The following NRXN3 variants were observed in gnomAD, a reference collection of about 807,000 sequenced individuals.
NRXN3 encodes neurexin 3.
A neutral mutation model predicts 137.6 loss-of-function variants in NRXN3; 32 were observed. That is an observed-to-expected ratio of 0.23 (90% CI 0.18 to 0.31). NRXN3 has a LOEUF of 0.31. Among genes scored for constraint, NRXN3 ranks in the 10% least tolerant of loss-of-function variants. The pLI, the probability that NRXN3 is intolerant of heterozygous loss-of-function variation, is 1.00. For synonymous variants in NRXN3, 798 were observed against 784.5 expected, an observed-to-expected ratio of 1.02 and a Z score of -0.29; for missense variants, 1,574 against 2,062.5, an observed-to-expected ratio of 0.76 and a Z score of 4.59.
At chr14:79,680,101 G>A (rs1346148412) in intron 17 of NRXN3, among the ~76,000 whole-genome samples, 1 of 152,094 alleles carries the variant, frequency 6.6e-6, no homozygotes, top group African/African-American at 2.4e-5. Context: ...ACATCCTAAG[G>A]AAATGATTTC....
intron 15 of NRXN3, among the ~76,000 whole-genome samples, chr14:79,411,244 G>A (rs1014042838): frequency 2.6e-5 from 4 of 152,026 alleles, no homozygotes; most frequent in African/African-American, 7.2e-5. Context: ...CCAAGATCTA[G>A]TTTTCTAGGT....
intron 16 of NRXN3, among the ~76,000 whole-genome samples, chr14:79,588,678 T>A (rs1410779620): frequency 7.2e-5 from 11 of 152,200 alleles, no homozygotes. Context: ...ATATTGACCA[T>A]GGCTTAAGTG....
chr14:79,598,055 A>G (rs2097879516), intron 16 of NRXN3, among the ~76,000 whole-genome samples: 2 of 152,228 alleles, frequency 1.3e-5, no homozygotes, highest in South Asian at 4.1e-4. Context: ...TGAATACTCA[A>G]ACAAGAAAGT....
chr14:78,432,956 T>C (rs560913553), intron 4 of NRXN3, among the ~76,000 whole-genome samples: 11 of 152,324 alleles, frequency 7.2e-5, no homozygotes, highest in African/African-American at 2.4e-4. Flanking sequence ...TGTCACAAAT[T>C]ACCTCAAACT....
chr14:79,302,338 G>T (rs2085279814), intron 15 of NRXN3, among the ~76,000 whole-genome samples: 1 of 152,014 alleles, frequency 6.6e-6, no homozygotes, highest in Non-Finnish European at 1.5e-5. Flanking sequence ...TCATGGTTTT[G>T]CAGACTGTAC....
At chr14:78,632,286 A>G (rs1315116188) in intron 4 of NRXN3, among the ~76,000 whole-genome samples, 1 of 152,186 alleles carries the variant, frequency 6.6e-6, no homozygotes, top group Admixed American at 6.5e-5. Flanking sequence ...GTTTTTGCTG[A>G]AAATCTAGCC....
chr14:79,792,467 G>A lies in NRXN3; in HGVS notation c.4015-12645G>A, dbSNP rs571186038. ...TGTATTTAGTTATTTTTTGCTCAAA[G>A]CATTTGAATCAATATGTATACAAAC... is the stretch of plus-strand genomic sequence containing the variant. On this transcript the variant is annotated intron_variant, in intron 19 of 20. Transcript: ENST00000335750. Among the ~76,000 whole-genome samples, 184 of 152,208 alleles carry A rather than the reference G, an allele frequency of 1.2e-3. 1 individual carries two copies. Among genetic ancestry groups the A allele is most frequent in the Middle Eastern group, 3.4e-3 (1 of 294 alleles).
chr14:79,211,027 C>T (rs762168994), intron 15 of NRXN3, among the ~76,000 whole-genome samples: 80 of 152,172 alleles, frequency 5.3e-4, no homozygotes, highest in Middle Eastern at 6.8e-3. Context: ...AAAATGTGGT[C>T]GCTACTCTCC....
At chr14:78,588,877 AAAAT>A (rs1309752470) in intron 4 of NRXN3, among the ~76,000 whole-genome samples, 2 of 152,246 alleles carry the variant, frequency 1.3e-5, no homozygotes, top group African/African-American at 4.8e-5. Flanking sequence ...ACACAAATAT[AAAAT>A]AAAGCCATAA....
intron 15 of NRXN3, among the ~76,000 whole-genome samples, chr14:79,258,364 C>G (rs770539534): frequency 6.6e-6 from 1 of 152,010 alleles, no homozygotes; most frequent in Admixed American, 6.6e-5. Context: ...ACCACCACAC[C>G]TGGCTAATTT....
chr14:79,264,865 A>G (rs2078203429), intron 15 of NRXN3, among the ~76,000 whole-genome samples: 1 of 152,198 alleles, frequency 6.6e-6, no homozygotes, highest in Admixed American at 6.5e-5. Flanking sequence ...ATGGGAATTT[A>G]TGATAAATAA....
chr14:78,804,641 A>C (rs1438146437), intron 9 of NRXN3, among the ~76,000 whole-genome samples: 1 of 152,252 alleles, frequency 6.6e-6, no homozygotes, highest in South Asian at 2.1e-4. Context: ...TTTCTCTTTC[A>C]TTGTAATTAC....
intron 16 of NRXN3, among the ~76,000 whole-genome samples, chr14:79,629,485 G>A (rs543675600): frequency 3.0e-4 from 45 of 152,226 alleles, no homozygotes; most frequent in African/African-American, 1.0e-3. Context: ...TTCCAGCTTG[G>A]AGACTTTGCG....
chr14:78,588,184 A>G (rs1171912913), intron 4 of NRXN3, among the ~76,000 whole-genome samples: 1 of 152,162 alleles, frequency 6.6e-6, no homozygotes, highest in East Asian at 1.9e-4. Flanking sequence ...ACTTCTGATC[A>G]TGTCATAGTT....
chr14:78,496,079 T>C (rs1330437275), intron 4 of NRXN3, among the ~76,000 whole-genome samples: 1 of 152,208 alleles, frequency 6.6e-6, no homozygotes, highest in Non-Finnish European at 1.5e-5. Context: ...AGGGACAAGA[T>C]ACTAATACAA....
chr14:78,776,613 T>C (rs2098745726), intron 8 of NRXN3, among the ~76,000 whole-genome samples: 1 of 152,212 alleles, frequency 6.6e-6, no homozygotes, highest in African/African-American at 2.4e-5. Context: ...TTTCTTTGAA[T>C]AATTCCTTTC....
chr14:78,315,053 C>G (rs1389161708), intron 4 of NRXN3, among the ~76,000 whole-genome samples: 3 of 149,942 alleles, frequency 2.0e-5, no homozygotes, highest in Non-Finnish European at 3.0e-5. Flanking sequence ...GCTCTGTCAC[C>G]CAGGCTGGAG....
chr14:79,244,083 G>A (rs539972861), intron 15 of NRXN3, among the ~76,000 whole-genome samples: 18 of 152,102 alleles, frequency 1.2e-4, no homozygotes, highest in East Asian at 9.7e-4. Flanking sequence ...TTTTCTTTCT[G>A]CAACTAATGA....
chr14:79,256,195 A>G (rs976377607), intron 15 of NRXN3, among the ~76,000 whole-genome samples: 1 of 150,428 alleles, frequency 6.6e-6, no homozygotes, highest in Non-Finnish European at 1.5e-5. Flanking sequence ...TCTCTCTCAC[A>G]CACACACACA....
Sources: gnomAD v4.1 joint callset for allele counts (sites outside exome capture counted in the v4.1 genomes callset) on GRCh38, gnomAD v4.1.1 for gene constraint, MANE v1.5 for transcripts, NCBI Gene and HGNC (gene_info 2026-07-23, HGNC 2026-07-21) for gene names.